The following SUCO variants were observed in gnomAD, a reference collection of about 807,000 sequenced individuals.
SUCO encodes SUN domain-containing ossification factor.
SUCO carries 57 observed loss-of-function variants against 148.1 expected under a neutral mutation model. The ratio of observed to expected loss-of-function variants is 0.38; its 90% CI spans 0.31 to 0.48. SUCO has a LOEUF of 0.48. SUCO is among the 20% of genes least tolerant of loss of function. The pLI is 0.96. For synonymous variants in SUCO, 470 were observed against 502.7 expected (o/e 0.93, Z 0.87); for missense variants, 1,331 against 1,468.2 (o/e 0.91, Z 1.53).
At position 172,551,602 on chromosome 1, in the gene SUCO, T is replaced by A; in HGVS notation, c.153T>A (p.Asn51Lys). 1.2e-6 allele frequency: 2 copies of A among 1,607,136 alleles called. No individual in the cohort carries two copies. Among genetic ancestry groups the A allele is most frequent in the African/African-American group, 1.3e-5 (1 of 74,650 alleles). ...AAGATGACAACTGCGCACTAGAAAA[T>A]GAAGATGTACAATTCCAGAAAAAGG... The part of the protein sequence containing the change: ...YSQDDNCALE[N>K]EDVQFQKKDE... Residue 51 changes from asparagine to lysine, a missense_variant, in exon 2 of 24, where the codon AAT becomes AAA. This residue lies in a region of SUCO where 992 missense variants were observed against 1,093.5 expected (regional missense o/e 0.91). Coordinates refer to ENST00000263688, the MANE Select transcript of SUCO (RefSeq NM_014283.5).
At chr1:172,537,794 G>T (rs184093000) in intron 1 of SUCO, among the ~76,000 whole-genome samples, 3 of 152,288 alleles carry the variant, frequency 2.0e-5, no homozygotes, top group Admixed American at 2.0e-4. Context: ...AAATATAACA[G>T]GTACTTACAA....
chr1:172,603,011 T>C (rs1558215325), intron 22 of SUCO: 1 of 453,872 alleles, frequency 2.2e-6, no homozygotes, highest in African/African-American at 2.0e-5. Context: ...TAATTAGCAG[T>C]TGGTAGCTTT....
intron 1 of SUCO, among the ~76,000 whole-genome samples, chr1:172,539,278 T>A (rs1293858221): frequency 6.6e-5 from 10 of 152,238 alleles, no homozygotes; most frequent in African/African-American, 2.2e-4. Flanking sequence ...TTTAGTAGTT[T>A]ATACATAACT....
At chr1:172,558,565 A>G (rs1196974921) in intron 6 of SUCO, among the ~76,000 whole-genome samples, 1 of 151,346 alleles carries the variant, frequency 6.6e-6, no homozygotes, top group Non-Finnish European at 1.5e-5. Context: ...TTTTTCACGT[A>G]TTTTCAGTGA....
chr1:172,581,525 A>G (rs1571251434), intron 15 of SUCO, among the ~76,000 whole-genome samples: 1 of 152,238 alleles, frequency 6.6e-6, no homozygotes, highest in East Asian at 1.9e-4. Context: ...TCTTCTCTGA[A>G]GTTTGGGACT....
chr1:172,544,843 G>A (rs1345887896), intron 1 of SUCO, among the ~76,000 whole-genome samples: 1 of 152,208 alleles, frequency 6.6e-6, no homozygotes, highest in African/African-American at 2.4e-5. Flanking sequence ...TTAAGCAGGG[G>A]AATGGTAGTG....
chr1:172,576,349 T>G (rs1202451949), intron 11 of SUCO, among the ~76,000 whole-genome samples: 1 of 151,742 alleles, frequency 6.6e-6, no homozygotes, highest in East Asian at 1.9e-4. Context: ...ATGTGAGAAC[T>G]TATAGCTACC....
At chr1:172,561,572 G>A (rs1654155756) in intron 6 of SUCO, among the ~76,000 whole-genome samples, 1 of 152,112 alleles carries the variant, frequency 6.6e-6, no homozygotes, top group African/African-American at 2.4e-5. Flanking sequence ...TGATATCTGC[G>A]GTTGGGCCTT....
At chr1:172,591,169 C>T in intron 19 of SUCO, 98 bp downstream of exon 19, 1 of 869,262 alleles carries the variant, frequency 1.2e-6, no homozygotes, top group Non-Finnish European at 1.7e-6. Flanking sequence ...TTCACTTTTT[C>T]CCCCTGCTAG....
chr1:172,588,476 A>G (rs954644627), intron 17 of SUCO: 1 of 985,104 alleles, frequency 1.0e-6, no homozygotes, highest in Admixed American at 6.2e-5. Flanking sequence ...TTCACTTAGA[A>G]ACAATTCTTA....
intron 1 of SUCO, among the ~76,000 whole-genome samples, chr1:172,550,363 T>G (rs181434653): frequency 2.6e-4 from 40 of 152,146 alleles, no homozygotes; most frequent in Admixed American, 2.4e-3. Flanking sequence ...TCTTGCCAAG[T>G]TTCTATCTGG....
intron 6 of SUCO, among the ~76,000 whole-genome samples, chr1:172,568,019 G>C (rs1654683938): frequency 6.6e-6 from 1 of 152,204 alleles, no homozygotes; most frequent in Admixed American, 6.5e-5. Context: ...GGTGGCATTA[G>C]AATCTTATAT....
chr1:172,609,088 C>T (rs1326912124), intron 23 of SUCO: 1 of 244,736 alleles, frequency 4.1e-6, no homozygotes, highest in East Asian at 1.8e-4. Context: ...TATTTACTGT[C>T]TGACCCTTCA....
At chr1:172,533,527 C>T (rs560250046) in intron 1 of SUCO, 30 bp downstream of exon 1, 13 of 1,515,096 alleles carry the variant, frequency 8.6e-6, no homozygotes, top group South Asian at 2.5e-5. Flanking sequence ...AGGGAGTTCC[C>T]GTGAGGGGAG....
At chr1:172,550,614 T>G (rs1050687517) in intron 1 of SUCO, among the ~76,000 whole-genome samples, 1 of 152,024 alleles carries the variant, frequency 6.6e-6, no homozygotes, top group African/African-American at 2.4e-5. Flanking sequence ...TCTTCATGTT[T>G]TGTAATGCTA....
intron 6 of SUCO, among the ~76,000 whole-genome samples, chr1:172,565,151 T>C (rs1654465728): frequency 6.6e-6 from 1 of 152,188 alleles, no homozygotes; most frequent in African/African-American, 2.4e-5. Flanking sequence ...GTAATTTACC[T>C]AGGAAAGGGT....
At chr1:172,602,848 T>C in intron 22 of SUCO, 61 bp downstream of exon 22, 1 of 1,392,512 alleles carries the variant, frequency 7.2e-7, no homozygotes, top group Non-Finnish European at 1.0e-6. Context: ...CTGGCATAAA[T>C]ATAATGTCAG....
rs766849975 is a variant in SUCO at position 172,589,349 on chromosome 1, T to C, written c.2248T>C (p.Ser750Pro). Residue 750 changes from serine (S) to proline (P), a missense_variant, in exon 18 of 24, where the codon TCT becomes CCT. By Grantham distance (74) the Ser-to-Pro change is moderately conservative. Transcript: ENST00000263688. ...CAATCCCTTGCCTAAAATAGAAGTATCTGAGTCTGTTGAATATGAGGCAGG... is the reference window on the plus strand; with the variant it reads ...CAATCCCTTGCCTAAAATAGAAGTACCTGAGTCTGTTGAATATGAGGCAGG... Reference protein sequence around the residue: ...EINPLPKIEVSESVEYEAGHI... With the variant: ...EINPLPKIEVPESVEYEAGHI... The C allele has an allele frequency of 6.2e-7, 1 of 1,613,756 alleles. No individual in the cohort carries two copies. The highest frequency in any genetic ancestry group is 2.2e-5 in the East Asian group (1 of 44,878).
intron 6 of SUCO, among the ~76,000 whole-genome samples, chr1:172,563,981 C>G (rs187554006): frequency 1.3e-5 from 2 of 152,370 alleles, no homozygotes; most frequent in East Asian, 1.9e-4. Flanking sequence ...AGGTACAGAT[C>G]AGGCCATTGC....
Sources: allele counts gnomAD v4.1 joint callset (sites outside exome capture counted in the v4.1 genomes callset), GRCh38; gene constraint gnomAD v4.1.1; regional missense constraint gnomAD v4.1.1; transcripts MANE v1.5; gene names NCBI Gene and HGNC (gene_info 2026-07-23, HGNC 2026-07-21).